Variants in GRM5 observed in about 807,000 individuals in gnomAD.
GRM5 encodes glutamate metabotropic receptor 5.
Under a neutral mutation model 83.1 loss-of-function variants are expected in GRM5, and 19 were observed. The observed-to-expected ratio is 0.23, with a 90% CI of 0.16 to 0.34. The LOEUF (loss-of-function observed/expected upper bound fraction) is 0.34. Among genes scored for constraint, GRM5 ranks in the 10% least tolerant of loss-of-function variants. The pLI, the probability that GRM5 is intolerant of heterozygous loss-of-function variation, is 1.00. For synonymous variants in GRM5, 675 were observed against 633.6 expected, an observed-to-expected ratio of 1.07 and a Z score of -0.98; for missense variants, 1,160 against 1,588.3, an observed-to-expected ratio of 0.73 and a Z score of 4.58.
At chr11:88,706,872 T>A (rs1036975462) in intron 3 of GRM5, among the ~76,000 whole-genome samples, 20 of 152,084 alleles carry the variant, frequency 1.3e-4, no homozygotes, top group Non-Finnish European at 1.9e-4. Flanking sequence ...TTAGTTAAAA[T>A]GACAAATGAA....
chr11:88,965,061 T>G (rs185423370), intron 2 of GRM5, among the ~76,000 whole-genome samples: 2 of 152,314 alleles, frequency 1.3e-5, no homozygotes, highest in East Asian at 3.9e-4. Context: ...GCATTTTCTA[T>G]AGGTGTTATA....
intron 3 of GRM5, among the ~76,000 whole-genome samples, chr11:88,664,796 T>C (rs1939998462): frequency 6.6e-6 from 1 of 152,134 alleles, no homozygotes; most frequent in African/African-American, 2.4e-5. Flanking sequence ...TTAGGGATTA[T>C]TTAAAGTATA....
intron 2 of GRM5, among the ~76,000 whole-genome samples, chr11:88,932,467 G>A (rs1035574165): frequency 2.6e-5 from 4 of 151,890 alleles, no homozygotes; most frequent in African/African-American, 9.7e-5. Flanking sequence ...CATAATATGT[G>A]TAAGTGATGC....
At chr11:88,946,665 G>C (rs1938292878) in intron 2 of GRM5, among the ~76,000 whole-genome samples, 1 of 152,146 alleles carries the variant, frequency 6.6e-6, no homozygotes, top group African/African-American at 2.4e-5. Flanking sequence ...GACTACTAGA[G>C]TAGGGGTGAA....
intron 2 of GRM5, among the ~76,000 whole-genome samples, chr11:88,922,439 A>G (rs1164543464): frequency 6.6e-6 from 1 of 152,196 alleles, no homozygotes; most frequent in African/African-American, 2.4e-5. Context: ...TCAACAGTGA[A>G]CTCATTTTTG....
intron 3 of GRM5, among the ~76,000 whole-genome samples, chr11:88,842,714 G>T (rs1328833980): frequency 6.6e-6 from 1 of 151,748 alleles, no homozygotes; most frequent in Non-Finnish European, 1.5e-5. Context: ...CAACCTAAAT[G>T]CTGAGGTCCC....
At chr11:88,671,924 G>A (rs1940205005) in intron 3 of GRM5, among the ~76,000 whole-genome samples, 1 of 151,966 alleles carries the variant, frequency 6.6e-6, no homozygotes, top group Non-Finnish European at 1.5e-5. Flanking sequence ...TCTTTTGGTT[G>A]TACATTATAA....
intron 3 of GRM5, among the ~76,000 whole-genome samples, chr11:88,713,598 G>T (rs1298052895): frequency 6.6e-6 from 1 of 151,950 alleles, no homozygotes; most frequent in East Asian, 1.9e-4. Flanking sequence ...ACTCTCCCAG[G>T]GTGGAGGCAT....
intron 2 of GRM5, among the ~76,000 whole-genome samples, chr11:88,895,291 A>G (rs1945212911): frequency 6.6e-6 from 1 of 151,974 alleles, no homozygotes; most frequent in Non-Finnish European, 1.5e-5. Context: ...CCTCATCAGT[A>G]AAGTGGAGGT....
chr11:88,958,300 T>TAC, intron 2 of GRM5, among the ~76,000 whole-genome samples: 1 of 150,356 alleles, frequency 6.7e-6, no homozygotes, highest in African/African-American at 2.4e-5. Context: ...TAATATAGTA[T>TAC]CCTGTTCACC....
Position 88,606,052 on chromosome 11 carries a change from C to T in GRM5, c.1148-1088G>A, listed in dbSNP as rs118163293. Among the ~76,000 whole-genome samples, 177 of 152,234 alleles carry T rather than the reference C, an allele frequency of 1.2e-3. 1 individual carries two copies. In the Middle Eastern group the frequency reaches 0.014, roughly 12 times the overall value. On this transcript the variant is annotated intron_variant, in intron 4 of 9. Transcript: ENST00000305447. ...GCTGAGCATTAAGCTAAGTATCAAT[C>T]AGATGAAGGGAGAGAAAGAGTGGTC...
At chr11:88,941,021 A>C (rs1590982091) in intron 2 of GRM5, among the ~76,000 whole-genome samples, 1 of 151,892 alleles carries the variant, frequency 6.6e-6, no homozygotes, top group African/African-American at 2.4e-5. Flanking sequence ...ACAATGAAAC[A>C]ACCAAGAGGC....
intron 8 of GRM5, among the ~76,000 whole-genome samples, chr11:88,529,006 T>C (rs968577342): frequency 6.6e-6 from 1 of 152,048 alleles, no homozygotes; most frequent in Non-Finnish European, 1.5e-5. Flanking sequence ...AAAACAAAAT[T>C]ACAAAAGCTT....
At chr11:89,042,005 C>G (rs183047771) in intron 2 of GRM5, among the ~76,000 whole-genome samples, 183 of 152,232 alleles carry the variant, frequency 1.2e-3, no homozygotes, top group African/African-American at 4.3e-3. Flanking sequence ...ATCTAATTTA[C>G]AGATCAAGAG....
At chr11:88,720,299 G>A (rs1941503508) in intron 3 of GRM5, among the ~76,000 whole-genome samples, 1 of 93,106 alleles carries the variant, frequency 1.1e-5, no homozygotes, top group African/African-American at 3.2e-5. Flanking sequence ...ACTGGAAAAA[G>A]CTTTGAGGGG....
rs1204914903 is a variant in GRM5, at chr11:89,065,303, CACACACACAG to C, written c.-201+463_-201+472del. Reference sequence around the variant, plus strand: ...TATTGGCATCACACACACACACACACACACACACAGACAGAGGGAGAGAGAGAGAGACAGA... The same window carrying C: ...TATTGGCATCACACACACACACACACACAGAGGGAGAGAGAGAGAGACAGA... On this transcript the variant is annotated intron_variant, in intron 1 of 9. Transcript: ENST00000305447. Among the ~76,000 whole-genome samples the C allele has an allele frequency of 4.3e-3, 537 of 124,112 alleles. 3 individuals carry two copies. Among genetic ancestry groups the C allele is most frequent in the Non-Finnish European group, 6.7e-3 (354 of 53,114 alleles). 81.4% of individuals were successfully genotyped at this position (124,112 alleles called of 152,430 possible). A position where few individuals can be genotyped will look rare whatever the true frequency, so the allele number is the denominator to read the frequency against.
At position 88,720,821 on chromosome 11, in the gene GRM5, C is replaced by CGTGTGT. The variant is rs869078157; in HGVS notation, c.912-67424_912-67419dup. The stretch of plus-strand genomic sequence containing the variant: ...CTGTGTGTGTGTGTGTGTGTGTGTG[C>CGTGTGT]GTGTGTGTGTGTGTGTGTGTGTGCC... On this transcript the variant is annotated intron_variant, in intron 3 of 9. Coordinates refer to ENST00000305447, the MANE Select transcript of GRM5 (RefSeq NM_001143831.3). 1.1e-4 allele frequency among the ~76,000 whole-genome samples: 15 copies of CGTGTGT among 137,264 alleles called. 1 individual carries two copies. The highest frequency in any genetic ancestry group is 3.2e-4 in the African/African-American group (12 of 37,134). The allele number at this position is 137,264 out of a possible 152,430, so 90.1% of individuals were successfully genotyped here.
chr11:88,760,380 A>G (rs1942486672), intron 3 of GRM5, among the ~76,000 whole-genome samples: 1 of 152,186 alleles, frequency 6.6e-6, no homozygotes, highest in Non-Finnish European at 1.5e-5. Context: ...AGGTGATTTT[A>G]CCACGGACCC....
chr11:89,058,850 A>T (rs1396760666), intron 1 of GRM5, among the ~76,000 whole-genome samples: 1 of 152,200 alleles, frequency 6.6e-6, no homozygotes, highest in African/African-American at 2.4e-5. Context: ...GTTTATTATA[A>T]TTTTAACAAG....
Sources: gnomAD v4.1 joint callset for allele counts (sites outside exome capture counted in the v4.1 genomes callset) on GRCh38, gnomAD v4.1.1 for gene constraint, MANE v1.5 for transcripts, NCBI Gene and HGNC (gene_info 2026-07-23, HGNC 2026-07-21) for gene names.